XRN2: variants seen among roughly 807,000 people sequenced by gnomAD.
The protein encoded by XRN2 is DHM1-like protein.
Under a neutral mutation model 138.5 loss-of-function variants are expected in XRN2, and 44 were observed. The observed-to-expected ratio is 0.32, with a 90% CI of 0.25 to 0.41. The LOEUF (loss-of-function observed/expected upper bound fraction) is 0.41. XRN2 is among the 10% of genes least tolerant of loss of function. XRN2 has a pLI of 1.00. For missense variants in XRN2, 937 were observed against 1,169.3 expected (o/e 0.80, Z 2.90); for synonymous variants, 354 against 369.4 (o/e 0.96, Z 0.48).
At chr20:21,303,834 G>A in intron 1 of XRN2, 2 of 1,040,370 alleles carry the variant, frequency 1.9e-6, no homozygotes, top group Middle Eastern at 4.5e-4. Context: ...CTGTTGTTGA[G>A]CAATGCATGC....
chr20:21,366,111 ATAT>A (rs1284728694), intron 26 of XRN2, among the ~76,000 whole-genome samples: 2 of 108,748 alleles, frequency 1.8e-5, no homozygotes, highest in African/African-American at 6.7e-5. Flanking sequence ...ATATAAATAT[ATAT>A]TATATTTATA....
chr20:21,304,721 A>G (rs2037791799), intron 1 of XRN2, among the ~76,000 whole-genome samples: 1 of 152,136 alleles, frequency 6.6e-6, no homozygotes, highest in Non-Finnish European at 1.5e-5. Flanking sequence ...CTAGATATAT[A>G]TTTTTATTGG....
At chr20:21,352,533 G>A (rs1443148530) in intron 20 of XRN2, among the ~76,000 whole-genome samples, 1 of 152,010 alleles carries the variant, frequency 6.6e-6, no homozygotes. Flanking sequence ...ATTTCACCAT[G>A]TTGGCCAGGC....
At chr20:21,322,193 G>A (rs772646339) in intron 1 of XRN2, among the ~76,000 whole-genome samples, 33 of 152,172 alleles carry the variant, frequency 2.2e-4, no homozygotes, top group Non-Finnish European at 4.3e-4. Context: ...TGCTTATCAC[G>A]TTAAGTGCTC....
chr20:21,346,314 C>A, intron 16 of XRN2, 101 bp from the exon 17 acceptor site: 1 of 1,438,712 alleles, frequency 7.0e-7, no homozygotes, highest in South Asian at 1.3e-5. Context: ...TTCACATTTC[C>A]CCTGGGTATT....
chr20:21,313,318 C>T (rs1225275033), intron 1 of XRN2, among the ~76,000 whole-genome samples: 2 of 152,230 alleles, frequency 1.3e-5, no homozygotes, highest in Admixed American at 6.5e-5. Flanking sequence ...CAGAAGGCTG[C>T]GTGTCCTCAT....
chr20:21,387,123 T>C, intron 29 of XRN2, 117 bp downstream of exon 29: 1 of 1,390,006 alleles, frequency 7.2e-7, no homozygotes. Context: ...TAGCTTAGAG[T>C]AGCTTGGCTG....
chr20:21,307,999 C>T lies in XRN2; in HGVS notation c.75+4526C>T, dbSNP rs867742187. ...TCGCCCAGGCTGGAGTGCAGTGGTGCGATCTCGGCTCACTGCAACCTCCAC... is the reference window on the plus strand; with the variant it reads ...TCGCCCAGGCTGGAGTGCAGTGGTGTGATCTCGGCTCACTGCAACCTCCAC... On this transcript the variant is annotated intron_variant, in intron 1 of 29. Coordinates refer to ENST00000377191, the MANE Select transcript of XRN2 (RefSeq NM_012255.5). Among the ~76,000 whole-genome samples, 25 of 74,810 alleles carry T rather than the reference C, an allele frequency of 3.3e-4. 7 individuals are homozygous for T. The highest frequency in any genetic ancestry group is 7.7e-4 in the African/African-American group (21 of 27,296). The allele number at this position is 74,810 out of a possible 152,430, so 49.1% of individuals were successfully genotyped here. A position where few individuals can be genotyped will look rare whatever the true frequency, so the allele number is the denominator to read the frequency against.
intron 13 of XRN2, among the ~76,000 whole-genome samples, chr20:21,337,901 C>T (rs988678413): frequency 6.6e-6 from 1 of 152,120 alleles, no homozygotes; most frequent in Non-Finnish European, 1.5e-5. Context: ...TGAAATCTGA[C>T]TAATGGATTT....
intron 27 of XRN2, among the ~76,000 whole-genome samples, chr20:21,377,541 A>AGCCACC (rs1343022456): frequency 7.0e-6 from 1 of 142,600 alleles, no homozygotes; most frequent in African/African-American, 2.6e-5. Context: ...TACAGGCGTG[A>AGCCACC]GCCACCACGT....
chr20:21,328,749 C>A, intron 4 of XRN2, 79 bp downstream of exon 4: 2 of 1,246,008 alleles, frequency 1.6e-6, no homozygotes, highest in Admixed American at 2.2e-5. Context: ...CTTTTTCTTA[C>A]AAAGAGGCAA....
chr20:21,389,644 G>C lies in XRN2; in HGVS notation c.*306G>C. On this transcript the variant is annotated 3_prime_UTR_variant, in exon 30 of 30. Transcript: ENST00000377191. Reference sequence around the variant, plus strand: ...GGATTTCAAAACACAGTGTATTCTAGATCATCTAAGATCCATGCTGATTTT... The same window carrying C: ...GGATTTCAAAACACAGTGTATTCTACATCATCTAAGATCCATGCTGATTTT... 1 of 202,500 alleles carries C rather than the reference G, an allele frequency of 4.9e-6. No individual in the cohort carries two copies. Among genetic ancestry groups the C allele is most frequent in the Non-Finnish European group, 9.9e-6 (1 of 101,022 alleles). The allele number at this position is 202,500 out of a possible 1,614,324, so 12.5% of individuals were successfully genotyped here. A position where few individuals can be genotyped will look rare whatever the true frequency, so the allele number is the denominator to read the frequency against.
chr20:21,388,576 G>A (rs1005202424), intron 29 of XRN2, among the ~76,000 whole-genome samples: 3 of 152,142 alleles, frequency 2.0e-5, no homozygotes, highest in Non-Finnish European at 2.9e-5. Flanking sequence ...GTCTGCACAT[G>A]TTCATGTTTA....
chr20:21,315,152 A>T (rs1399579616), intron 1 of XRN2, among the ~76,000 whole-genome samples: 1 of 152,220 alleles, frequency 6.6e-6, no homozygotes, highest in Non-Finnish European at 1.5e-5. Context: ...CTCACTCAAG[A>T]TGTTAAATTC....
rs929469852 is a variant in XRN2, at chr20:21,348,942, C to T, written c.1864-447C>T. On this transcript the variant is annotated intron_variant, in intron 19 of 29. Coordinates refer to ENST00000377191, the MANE Select transcript of XRN2 (RefSeq NM_012255.5). ...ACAGGCGTGAGCCACCGTGCCTGGCCGGGGAAAAATTTTTGTTCTCTGGCT... is the reference window on the plus strand; with the variant it reads ...ACAGGCGTGAGCCACCGTGCCTGGCTGGGGAAAAATTTTTGTTCTCTGGCT... Among the ~76,000 whole-genome samples, 6 of 152,040 alleles carry T rather than the reference C, an allele frequency of 3.9e-5. No individual in the cohort carries two copies. The East Asian group carries it at 5.8e-4, about 15-fold the overall frequency.
chr20:21,319,335 T>G (rs1312192584), intron 1 of XRN2, among the ~76,000 whole-genome samples: 1 of 152,162 alleles, frequency 6.6e-6, no homozygotes, highest in Non-Finnish European at 1.5e-5. Context: ...AAATCCACTT[T>G]GACAAGCTAC....
At chr20:21,312,863 A>G (rs983855227) in intron 1 of XRN2, among the ~76,000 whole-genome samples, 4 of 152,084 alleles carry the variant, frequency 2.6e-5, no homozygotes, top group African/African-American at 7.2e-5. Flanking sequence ...CAGCCTCCCA[A>G]AGTGCTGGGA....
chr20:21,362,579 GGTT>G lies in XRN2; in HGVS notation c.2256-2838_2256-2836del, dbSNP rs144330723. 2.5e-3 allele frequency among the ~76,000 whole-genome samples: 380 copies of G among 152,188 alleles called. 2 individuals carry two copies. The highest frequency in any genetic ancestry group is 8.9e-3 in the African/African-American group (369 of 41,500). On this transcript the variant is annotated intron_variant, in intron 24 of 29. Coordinates refer to ENST00000377191, the MANE Select transcript of XRN2 (RefSeq NM_012255.5). ...TCTGCTCTCTCGCACACTGCTGCTGGGTTGTTCTTTCTGAAATTATCTTTGATC... is the reference window on the plus strand; with the variant it reads ...TCTGCTCTCTCGCACACTGCTGCTGGGTTCTTTCTGAAATTATCTTTGATC...
At chr20:21,360,914 G>A (rs979456037) in intron 24 of XRN2, among the ~76,000 whole-genome samples, 17 of 152,144 alleles carry the variant, frequency 1.1e-4, no homozygotes, top group African/African-American at 4.1e-4. Context: ...AAAATGTCAA[G>A]TATATGAATC....
Sources: gnomAD v4.1 joint callset for allele counts (sites outside exome capture counted in the v4.1 genomes callset) on GRCh38, gnomAD v4.1.1 for gene constraint, MANE v1.5 for transcripts, NCBI Gene and HGNC (gene_info 2026-07-23, HGNC 2026-07-21) for gene names.